The following ARHGAP23 variants were observed in gnomAD, a reference collection of about 807,000 sequenced individuals.
The protein encoded by ARHGAP23 is Rho GTPase activating protein 23.
ARHGAP23 carries 34 observed loss-of-function variants against 136.3 expected under a neutral mutation model. That is an observed-to-expected ratio of 0.25 (90% CI 0.19 to 0.33). ARHGAP23 has a LOEUF of 0.33. Ranked by LOEUF, ARHGAP23 falls within the 10% of genes least tolerant of loss-of-function variation. The pLI, the probability that ARHGAP23 is intolerant of heterozygous loss-of-function variation, is 1.00. For missense variants in ARHGAP23, 1,808 were observed against 2,139.0 expected (o/e 0.85, Z 3.05); for synonymous variants, 832 against 920.5 (o/e 0.90, Z 1.74).
chr17:38,430,700 C>T (rs971719985), intron 1 of ARHGAP23, among the ~76,000 whole-genome samples: 1 of 152,170 alleles, frequency 6.6e-6, no homozygotes. Flanking sequence ...CCAGGCTAGC[C>T]ATGCAGGGAA....
At chr17:38,502,454 A>G (rs1250388215) in intron 23 of ARHGAP23, among the ~76,000 whole-genome samples, 1 of 152,272 alleles carries the variant, frequency 6.6e-6, no homozygotes, top group Non-Finnish European at 1.5e-5. Context: ...TTGAACGTCT[A>G]CTTTATATCA....
intron 6 of ARHGAP23, 53 bp downstream of exon 6, chr17:38,463,435 C>T: frequency 2.6e-6 from 4 of 1,539,002 alleles, no homozygotes; most frequent in Non-Finnish European, 2.6e-6. Context: ...TGGGGCAGCA[C>T]CGGCTCCCCT....
intron 20 of ARHGAP23, 22 bp from the exon 21 acceptor site, chr17:38,497,763 C>T (rs35388621): frequency 0.094 from 145,033 of 1,549,106 alleles, 8,399 homozygotes; most frequent in African/African-American, 0.27. Context: ...GATTTCATCC[C>T]TTCCTTTTGT....
At position 38,498,444 on chromosome 17, in the gene ARHGAP23, G is replaced by C. The variant is rs1360576713; in HGVS notation, c.3349G>C (p.Val1117Leu). 12 of 1,548,516 alleles carry C rather than the reference G, an allele frequency of 7.7e-6. No homozygotes were observed. Among genetic ancestry groups the C allele is most frequent in the Non-Finnish European group, 1.0e-5 (12 of 1,146,286 alleles). The change falls in exon 22 of 24, where the codon GTG becomes CTG. Residue 1117 changes from valine to leucine, a missense_variant. Transcript: ENST00000622683. ...TGTGGGCGACAAGGAGCCTCAGGCA[G>C]TGCCCAACATTGAGTACCTCCTGCC... ...TPVGDKEPQA[V>L]PNIEYLLPNI...
intron 1 of ARHGAP23, among the ~76,000 whole-genome samples, chr17:38,455,664 G>A (rs541752628): frequency 2.0e-5 from 3 of 152,224 alleles, no homozygotes; most frequent in Non-Finnish European, 4.4e-5. Flanking sequence ...AACAGCCTCA[G>A]CTCTGAGCCT....
intron 20 of ARHGAP23, among the ~76,000 whole-genome samples, chr17:38,497,472 G>C (rs1406751481): frequency 2.6e-5 from 4 of 152,226 alleles, no homozygotes; most frequent in Non-Finnish European, 5.9e-5. Context: ...ACAGTGTTTA[G>C]AGAAAAGCAA....
In ARHGAP23 at chr17:38,458,231, C is replaced by T; in HGVS notation, c.193C>T (p.Pro65Ser). Residue 65 changes from proline (P) to serine (S), a missense_variant, in exon 2 of 24, where the codon CCA becomes TCA. By Grantham distance (74) the Pro-to-Ser change is moderately conservative. Coordinates refer to ENST00000622683, the MANE Select transcript of ARHGAP23 (RefSeq NM_001199417.2). The stretch of plus-strand genomic sequence containing the variant: ...CACTCTGCGCCACTTCATCGTGTAC[C>T]CACCCGAGTCGGCCGTGCACTGCAG... The part of the protein sequence containing the change: ...GFTLRHFIVY[P>S]PESAVHCSLK... The T allele has an allele frequency of 6.5e-7, 1 of 1,534,012 alleles. No homozygotes were observed. The highest frequency in any genetic ancestry group is 2.4e-5 in the East Asian group (1 of 40,828).
In ARHGAP23 at chr17:38,510,394, C is replaced by A. The variant is rs945156592; in HGVS notation, c.3898C>A (p.Arg1300Ser). The stretch of plus-strand genomic sequence containing the variant: ...CGCGGCGGGCGCGGGGCCTGGGGGG[C>A]GCCTGACACGCCGGCCGTCCTTCAG... Reference protein sequence around the residue: ...EGAAGAGPGGRLTRRPSFSSH... With the variant: ...EGAAGAGPGGSLTRRPSFSSH... Residue 1300 changes from arginine to serine, a missense_variant, in exon 24 of 24, where the codon CGC becomes AGC. By Grantham distance (110) the Arg-to-Ser change is moderately radical (BLOSUM62 -1). Transcript: ENST00000622683. This position sits in a 1 kb window ranked among gnomAD's most constrained non-coding sequence, Gnocchi z 4.6. 8.1e-7 allele frequency: 1 copy of A among 1,240,318 alleles called. No individual in the cohort carries two copies. The highest frequency in any genetic ancestry group is 1.0e-6 in the Non-Finnish European group (1 of 993,556). 76.8% of individuals were successfully genotyped at this position (1,240,318 alleles called of 1,614,324 possible).
At chr17:38,484,668 C>T (rs567450527) in intron 16 of ARHGAP23, among the ~76,000 whole-genome samples, 110 of 152,104 alleles carry the variant, frequency 7.2e-4, no homozygotes, top group Middle Eastern at 3.4e-3. Context: ...GTAACGGAGT[C>T]GGGTGGGCAG....
intron 16 of ARHGAP23, among the ~76,000 whole-genome samples, chr17:38,485,746 C>T (rs559504625): frequency 1.3e-5 from 2 of 152,314 alleles, no homozygotes; most frequent in South Asian, 4.1e-4. Flanking sequence ...GTCACGGATG[C>T]TTAAACTGTG....
intron 11 of ARHGAP23, among the ~76,000 whole-genome samples, chr17:38,475,096 C>T (rs924408876): frequency 1.2e-4 from 18 of 152,212 alleles, no homozygotes; most frequent in Admixed American, 9.2e-4. Flanking sequence ...CTCTTGGTGC[C>T]GTGGCCTGGA....
chr17:38,509,911 C>T, intron 23 of ARHGAP23, 33 bp from the exon 24 acceptor site: 1 of 1,242,014 alleles, frequency 8.1e-7, no homozygotes, highest in Non-Finnish European at 1.0e-6. Flanking sequence ...CGAGTCCGGG[C>T]GCCCCCCGCA....
At chr17:38,483,010 C>A (rs1484431822) in intron 16 of ARHGAP23, among the ~76,000 whole-genome samples, 2 of 152,192 alleles carry the variant, frequency 1.3e-5, no homozygotes, top group Non-Finnish European at 2.9e-5. Context: ...GCATTCCAGG[C>A]AGCAGAATGG....
At chr17:38,476,167 G>T (rs1457739518) in intron 11 of ARHGAP23, among the ~76,000 whole-genome samples, 1 of 152,230 alleles carries the variant, frequency 6.6e-6, no homozygotes, top group African/African-American at 2.4e-5. Flanking sequence ...GGGGAGAGAT[G>T]TGATCTCCTT....
intron 20 of ARHGAP23, among the ~76,000 whole-genome samples, chr17:38,493,571 T>G (rs1375413784): frequency 2.6e-5 from 4 of 152,146 alleles, no homozygotes. Context: ...CTCCTTGGCA[T>G]CTGAACGTAA....
At chr17:38,436,831 A>G (rs1243773008) in intron 1 of ARHGAP23, among the ~76,000 whole-genome samples, 1 of 152,208 alleles carries the variant, frequency 6.6e-6, no homozygotes, top group Non-Finnish European at 1.5e-5. Context: ...TGTCTTCACC[A>G]TGGTAATCGT....
intron 23 of ARHGAP23, among the ~76,000 whole-genome samples, chr17:38,507,653 A>G (rs919259286): frequency 6.6e-6 from 1 of 152,184 alleles, no homozygotes; most frequent in Non-Finnish European, 1.5e-5. Context: ...CTCAGAGAGC[A>G]CTGGCCAGGA....
upstream of ARHGAP23, among the ~76,000 whole-genome samples, chr17:38,425,267 G>T (rs1311216689): frequency 6.6e-6 from 1 of 152,112 alleles, no homozygotes; most frequent in African/African-American, 2.4e-5. Context: ...GCCGGAGCCT[G>T]CTCTCTCTCC....
At chr17:38,468,906 G>A (rs1322985652) in intron 7 of ARHGAP23, among the ~76,000 whole-genome samples, 1 of 152,180 alleles carries the variant, frequency 6.6e-6, no homozygotes, top group Non-Finnish European at 1.5e-5. Context: ...TATTGGCTCT[G>A]TCCTCTGGAG....
Sources: allele counts gnomAD v4.1 joint callset (sites outside exome capture counted in the v4.1 genomes callset), GRCh38; gene constraint gnomAD v4.1.1; non-coding constraint Gnocchi (gnomAD v3.1); transcripts MANE v1.5; gene names NCBI Gene and HGNC (gene_info 2026-07-23, HGNC 2026-07-21).